Variants in NFIB observed in about 807,000 individuals in gnomAD.
NFIB encodes the protein nuclear factor 1 B-type.
NFIB carries 11 observed loss-of-function variants against 61.5 expected under a neutral mutation model. The ratio of observed to expected loss-of-function variants is 0.18; its 90% CI spans 0.11 to 0.30. The LOEUF is 0.30. Ranked by LOEUF, NFIB falls within the 10% of genes least tolerant of loss-of-function variation. The probability of loss-of-function intolerance (pLI) is 1.00; values close to 1 mark genes in which losing one functional copy is unlikely to be tolerated. For synonymous variants in NFIB, 260 were observed against 216.5 expected (o/e 1.20, Z -1.76); for missense variants, 471 against 608.9 (o/e 0.77, Z 2.38).
chr9:14,358,911 TA>T (rs1564029669), intron 1 of NFIB, among the ~76,000 whole-genome samples: 1 of 152,214 alleles, frequency 6.6e-6, no homozygotes, highest in Non-Finnish European at 1.5e-5. Flanking sequence ...ACATCAACCT[TA>T]TCATCACTTC....
At position 14,341,704 on chromosome 9, in the gene NFIB, A is replaced by G. The variant is rs547881037; in HGVS notation, c.109-34184T>C. 2.5e-3 allele frequency among the ~76,000 whole-genome samples: 377 copies of G among 152,278 alleles called. 2 individuals are homozygous for G. Among genetic ancestry groups the G allele is most frequent in the African/African-American group, 8.5e-3 (353 of 41,554 alleles). Reference sequence around the variant, plus strand: ...GAAGTCTGAGGTGGGAACATTTTTTATGTGTTCACTCTCCCACCAATTGAA... The same window carrying G: ...GAAGTCTGAGGTGGGAACATTTTTTGTGTGTTCACTCTCCCACCAATTGAA... On this transcript the variant is annotated intron_variant, in intron 1 of 8. Transcript: ENST00000380934.
chr9:14,127,209 T>C (rs1278198956), intron 6 of NFIB, among the ~76,000 whole-genome samples: 1 of 152,226 alleles, frequency 6.6e-6, no homozygotes, highest in Admixed American at 6.5e-5. Flanking sequence ...GACTATACCA[T>C]GCAGTTTGTT....
intron 2 of NFIB, among the ~76,000 whole-genome samples, chr9:14,277,925 A>T (rs12004876): frequency 6.6e-6 from 1 of 152,152 alleles, no homozygotes; most frequent in Admixed American, 6.5e-5. Flanking sequence ...TACCATGCAC[A>T]ACAGTAGACT....
upstream of NFIB, among the ~76,000 whole-genome samples, chr9:14,400,675 C>T (rs1175533813): frequency 2.0e-5 from 3 of 152,096 alleles, no homozygotes; most frequent in Non-Finnish European, 4.4e-5. Context: ...AAGCAGGAGG[C>T]CTCCATCTCA....
At chr9:14,405,902 G>A in the NFIB span, among the ~76,000 whole-genome samples, 4 of 152,188 alleles carry the variant, frequency 2.6e-5, no homozygotes, top group Non-Finnish European at 5.9e-5. Context: ...AAGAACCTTG[G>A]ATATGCTTTC....
chr9:14,274,507 A>C (rs1342472198), intron 2 of NFIB, among the ~76,000 whole-genome samples: 2 of 152,040 alleles, frequency 1.3e-5, no homozygotes, highest in East Asian at 3.9e-4. Context: ...TTGTTTTTCT[A>C]ATAGCTGCTG....
the NFIB span, among the ~76,000 whole-genome samples, chr9:14,439,294 C>T: frequency 6.6e-6 from 1 of 152,148 alleles, no homozygotes; most frequent in South Asian, 2.1e-4. Context: ...CCCTTGAGCC[C>T]AGGAGGTCAA....
intron 3 of NFIB, among the ~76,000 whole-genome samples, chr9:14,156,522 G>C (rs1211012473): frequency 6.6e-6 from 1 of 152,114 alleles, no homozygotes. Context: ...TATTCCACTG[G>C]ACTCCTTTTA....
rs141372096 is a variant in NFIB, at chr9:14,177,524, T to C, written c.616+2203A>G. ...CCTTATGGTTGAGTTCATAGTATTA[T>C]AATACACAAGGCATATTAAAGTCAA... On this transcript the variant is annotated intron_variant, in intron 3 of 10. Transcript: ENST00000380953. Among the ~76,000 whole-genome samples, 1,203 of 152,232 alleles carry C rather than the reference T, an allele frequency of 7.9e-3. 12 individuals are homozygous for C. Among genetic ancestry groups the C allele is most frequent in the African/African-American group, 0.026 (1,089 of 41,556 alleles).
At chr9:14,293,678 C>G (rs2059244744) in intron 2 of NFIB, among the ~76,000 whole-genome samples, 1 of 152,182 alleles carries the variant, frequency 6.6e-6, no homozygotes, top group African/African-American at 2.4e-5. Context: ...GTCTACTTCC[C>G]TTTCTCTAGG....
At chr9:14,507,971 A>AACACAC in the NFIB span, among the ~76,000 whole-genome samples, 5 of 129,174 alleles carry the variant, frequency 3.9e-5, no homozygotes, top group Non-Finnish European at 6.7e-5. Flanking sequence ...GACACACACA[A>AACACAC]ACACACACAC....
At chr9:14,130,268 A>G (rs1240323508) in intron 6 of NFIB, among the ~76,000 whole-genome samples, 1 of 152,096 alleles carries the variant, frequency 6.6e-6, no homozygotes, top group Non-Finnish European at 1.5e-5. Context: ...TTTCTTTGTT[A>G]TTCCATTTTG....
chr9:14,139,564 A>G (rs1004805827), intron 6 of NFIB, among the ~76,000 whole-genome samples: 3 of 152,154 alleles, frequency 2.0e-5, no homozygotes, highest in African/African-American at 7.2e-5. Flanking sequence ...CAAACTAATT[A>G]TCTATTGTGG....
At chr9:14,484,394 T>C in the NFIB span, among the ~76,000 whole-genome samples, 1 of 152,254 alleles carries the variant, frequency 6.6e-6, no homozygotes. Context: ...TCTTATGGCA[T>C]ATATCCTTGT....
rs187180898 is a variant in NFIB, at chr9:14,182,255, C to T, written c.563-2475G>A. 3.3e-5 allele frequency among the ~76,000 whole-genome samples: 5 copies of T among 152,216 alleles called. No homozygotes were observed. The East Asian group carries it at 9.7e-4, about 29-fold the overall frequency. ...TGAGGCACACATTGGCTTTTTGTAACAATTCCACTTTCTAAAATGATCTGG... is the reference window on the plus strand; with the variant it reads ...TGAGGCACACATTGGCTTTTTGTAATAATTCCACTTTCTAAAATGATCTGG... On this transcript the variant is annotated intron_variant, in intron 2 of 10. Transcript: ENST00000380953.
At chr9:14,453,786 A>G in the NFIB span, among the ~76,000 whole-genome samples, 1 of 152,206 alleles carries the variant, frequency 6.6e-6, no homozygotes, top group African/African-American at 2.4e-5. Flanking sequence ...TATAACAAAA[A>G]GAAAATACAA....
At chr9:14,156,021 C>T in intron 3 of NFIB, 128 bp from the exon 4 acceptor site, 1 of 489,326 alleles carries the variant, frequency 2.0e-6, no homozygotes, top group Non-Finnish European at 3.6e-6. Context: ...ACAATAAGGA[C>T]TTTAAAAAAT....
At chr9:14,268,903 G>C (rs573146612) in intron 2 of NFIB, among the ~76,000 whole-genome samples, 1 of 152,170 alleles carries the variant, frequency 6.6e-6, no homozygotes, top group African/African-American at 2.4e-5. Flanking sequence ...GACGGCTTTG[G>C]GTTTCAATTG....
chr9:14,204,870 C>T, intron 2 of NFIB: 1 of 395,970 alleles, frequency 2.5e-6, no homozygotes. Flanking sequence ...CAGGTTAACT[C>T]AGAAGACAAA....
Sources: allele counts gnomAD v4.1 joint callset (sites outside exome capture counted in the v4.1 genomes callset), GRCh38; gene constraint gnomAD v4.1.1; transcripts MANE v1.5; gene names NCBI Gene and HGNC (gene_info 2026-07-23, HGNC 2026-07-21).